BANP: variants seen among roughly 807,000 people sequenced by gnomAD.
The protein encoded by BANP is protein BANP.
BANP carries 11 observed loss-of-function variants against 68.1 expected under a neutral mutation model. That is an observed-to-expected ratio of 0.16 (90% CI 0.10 to 0.27). The LOEUF (loss-of-function observed/expected upper bound fraction) is 0.27. Among genes scored for constraint, BANP ranks in the 10% least tolerant of loss-of-function variants. The probability of loss-of-function intolerance (pLI) is 1.00; values close to 1 mark genes in which losing one functional copy is unlikely to be tolerated. For synonymous variants in BANP, 329 were observed against 303.2 expected (o/e 1.09, Z -0.88); for missense variants, 504 against 722.7 (o/e 0.70, Z 3.47).
intron 6 of BANP, among the ~76,000 whole-genome samples, chr16:88,008,282 C>T (rs751030495): frequency 6.6e-6 from 1 of 152,120 alleles, no homozygotes; most frequent in Admixed American, 6.5e-5. Flanking sequence ...CTGCTGTGAA[C>T]GTTGAGGTGC....
At chr16:88,012,438 C>A (rs2073404975) in intron 6 of BANP, among the ~76,000 whole-genome samples, 2 of 152,206 alleles carry the variant, frequency 1.3e-5, no homozygotes, top group South Asian at 4.1e-4. Context: ...TGACCTTGAA[C>A]TGAATTGACA....
chr16:88,028,344 A>G (rs2077411864), intron 8 of BANP, among the ~76,000 whole-genome samples: 1 of 152,168 alleles, frequency 6.6e-6, no homozygotes, highest in Non-Finnish European at 1.5e-5. Context: ...TATTCAGTGG[A>G]GTCTTTGTTG....
intron 4 of BANP, among the ~76,000 whole-genome samples, chr16:87,992,727 G>A (rs1480331067): frequency 6.6e-6 from 1 of 151,564 alleles, no homozygotes; most frequent in African/African-American, 2.4e-5. Context: ...CTAGGAGGCG[G>A]AGGTTGCAGT....
intron 4 of BANP, among the ~76,000 whole-genome samples, chr16:88,001,184 G>A (rs1432271077): frequency 1.1e-5 from 1 of 91,904 alleles, no homozygotes; most frequent in African/African-American, 4.8e-5. Context: ...ATGCACGCAC[G>A]TGTGCGGCTG....
Position 88,057,161 on chromosome 16 carries a change from G to T in BANP, c.1312-8106G>T, listed in dbSNP as rs1273496641. ...TTGAGCTGTGTCTGCCTTTTCTGGT[G>T]GGCGGGCCTGCCGTGTTGTGGTGGG... On this transcript the variant is annotated intron_variant, in intron 11 of 13. Transcript: ENST00000682872. This position sits in a 1 kb window ranked among gnomAD's most constrained non-coding sequence, Gnocchi z 4.6. Among the ~76,000 whole-genome samples the T allele has an allele frequency of 1.3e-5, 2 of 152,190 alleles. No individual in the cohort carries two copies. The highest frequency in any genetic ancestry group is 2.9e-5 in the Non-Finnish European group (2 of 68,042).
intron 1 of BANP, chr16:87,959,936 C>G (rs1318497684): frequency 1.3e-5 from 2 of 152,722 alleles, no homozygotes; most frequent in South Asian, 2.1e-4. Context: ...GCTGGGATGG[C>G]TGATCCGAGT....
intron 1 of BANP, among the ~76,000 whole-genome samples, chr16:87,974,347 C>T (rs377099840): frequency 2.1e-4 from 32 of 152,178 alleles, no homozygotes; most frequent in Middle Eastern, 3.2e-3. Flanking sequence ...GACTGTGTTT[C>T]AGACACTGTG....
chr16:88,051,614 A>C (rs536808899), intron 11 of BANP, among the ~76,000 whole-genome samples: 3 of 152,182 alleles, frequency 2.0e-5, no homozygotes, highest in Non-Finnish European at 4.4e-5. Flanking sequence ...TCCCTGCCAC[A>C]GTTGCAGGTT....
chr16:88,056,152 G>C (rs1021253639), intron 11 of BANP, among the ~76,000 whole-genome samples: 58 of 152,228 alleles, frequency 3.8e-4, no homozygotes, highest in African/African-American at 1.4e-3. Context: ...CACTGGAGGG[G>C]TCCTTGTGGC....
intron 11 of BANP, among the ~76,000 whole-genome samples, chr16:88,049,225 G>T (rs1180388256): frequency 6.6e-6 from 1 of 152,184 alleles, no homozygotes; most frequent in East Asian, 1.9e-4. Flanking sequence ...TTCAGGTTGG[G>T]CTTCCCACGA....
At chr16:87,994,015 C>T (rs576374395) in intron 4 of BANP, among the ~76,000 whole-genome samples, 103 of 152,196 alleles carry the variant, frequency 6.8e-4, no homozygotes, top group African/African-American at 2.5e-3. Flanking sequence ...CGTTAGAGAC[C>T]AGGATGCGGT....
intron 12 of BANP, among the ~76,000 whole-genome samples, chr16:88,066,090 C>T (rs2088500692): frequency 6.6e-6 from 1 of 152,188 alleles, no homozygotes; most frequent in African/African-American, 2.4e-5. Flanking sequence ...GCGAGCTGTG[C>T]CCATGCGAGG....
intron 7 of BANP, among the ~76,000 whole-genome samples, chr16:88,021,581 C>G (rs1232063346): frequency 6.6e-6 from 1 of 152,230 alleles, no homozygotes; most frequent in Non-Finnish European, 1.5e-5. Context: ...GACGGAATTG[C>G]TGAAACGTAA....
In BANP at chr16:88,060,818, G is replaced by A. The variant is rs1176140651; in HGVS notation, c.1312-4449G>A. Among the ~76,000 whole-genome samples the A allele has an allele frequency of 3.3e-5, 5 of 152,168 alleles. No individual in the cohort carries two copies. The East Asian group carries it at 5.8e-4, about 18-fold the overall frequency. ...GGCAGGCTTGTGCACGCGTCATGCA[G>A]ATACATCCTTATTTTCTTCCCACTC... On this transcript the variant is annotated intron_variant, in intron 11 of 13. Transcript: ENST00000682872.
intron 11 of BANP, among the ~76,000 whole-genome samples, chr16:88,063,983 A>G (rs2087681119): frequency 6.6e-6 from 1 of 152,222 alleles, no homozygotes; most frequent in Non-Finnish European, 1.5e-5. Flanking sequence ...TTTTTTAGAA[A>G]TGAGCGAAAC....
chr16:88,036,151 CA>C lies in BANP; in HGVS notation c.1272+758del, dbSNP rs1490140490. On this transcript the variant is annotated intron_variant, in intron 10 of 13. Transcript: ENST00000682872. This position sits in a 1 kb window ranked among gnomAD's most constrained non-coding sequence, Gnocchi z 4.2. Reference sequence around the variant, plus strand: ...GCAGCAGCAGGCACAGGGCACTAAGCAGCACACACGTGTTGTACTCAGTGAC... The same window carrying C: ...GCAGCAGCAGGCACAGGGCACTAAGCGCACACACGTGTTGTACTCAGTGAC... Among the ~76,000 whole-genome samples the C allele has an allele frequency of 1.3e-5, 2 of 152,244 alleles. No homozygotes were observed. Among genetic ancestry groups the C allele is most frequent in the Non-Finnish European group, 2.9e-5 (2 of 68,036 alleles).
chr16:88,073,271 G>A (rs1417729245), intron 13 of BANP, among the ~76,000 whole-genome samples: 1 of 152,230 alleles, frequency 6.6e-6, no homozygotes, highest in East Asian at 1.9e-4. Flanking sequence ...CTCACCTGAC[G>A]CTCACGTCTT....
chr16:88,011,247 G>A (rs1373843083), intron 6 of BANP, among the ~76,000 whole-genome samples: 1 of 152,112 alleles, frequency 6.6e-6, no homozygotes, highest in Non-Finnish European at 1.5e-5. Context: ...TGGCAGTGTT[G>A]GTGCTGAGCA....
Position 88,004,560 on chromosome 16 carries a change from T to C in BANP, c.479+149T>C. ...AGCCTGGCAGGCACCGCCCCAGCTC[T>C]CTGAGGTCGGGGAGGGCAGGCTGGG... On this transcript the variant is annotated intron_variant, in intron 5 of 13. Transcript: ENST00000682872. This position sits in a 1 kb window ranked among gnomAD's most constrained non-coding sequence, Gnocchi z 7.0. 1.7e-6 allele frequency: 1 copy of C among 582,690 alleles called. No individual in the cohort carries two copies. The highest frequency in any genetic ancestry group is 2.1e-5 in the South Asian group (1 of 46,560). The allele number at this position is 582,690 out of a possible 1,614,324, so 36.1% of individuals were successfully genotyped here. A position where few individuals can be genotyped will look rare whatever the true frequency, so the allele number is the denominator to read the frequency against.
Sources: allele counts gnomAD v4.1 joint callset (sites outside exome capture counted in the v4.1 genomes callset), GRCh38; gene constraint gnomAD v4.1.1; non-coding constraint Gnocchi (gnomAD v3.1); transcripts MANE v1.5; gene names NCBI Gene and HGNC (gene_info 2026-07-23, HGNC 2026-07-21).